Variants in MAST4 observed in about 807,000 individuals in gnomAD.
The protein encoded by MAST4 is microtubule-associated serine/threonine-protein kinase 4.
Under a neutral mutation model 162.7 loss-of-function variants are expected in MAST4, and 89 were observed. The ratio of observed to expected loss-of-function variants is 0.55; its 90% confidence interval spans 0.46 to 0.65. MAST4 has a LOEUF of 0.65. Ranked by LOEUF, MAST4 falls within the 30% of genes least tolerant of loss-of-function variation. MAST4 has a pLI of 0.00. For synonymous variants in MAST4, 1,479 were observed against 1,361.1 expected (o/e 1.09, Z -1.91); for missense variants, 3,153 against 3,374.0 (o/e 0.93, Z 1.62).
At chr5:67,142,770 T>A in intron 21 of MAST4, 1 of 405,842 alleles carries the variant, frequency 2.5e-6, no homozygotes, top group Non-Finnish European at 4.4e-6. Context: ...GAGATTCAGA[T>A]AGCTGAGACC....
Position 66,773,426 on chromosome 5 carries a change from G to A in MAST4, c.517+13564G>A, listed in dbSNP as rs138533741. 2.6e-5 allele frequency among the ~76,000 whole-genome samples: 4 copies of A among 152,318 alleles called. No homozygotes were observed. In the East Asian group the frequency reaches 7.7e-4, roughly 29 times the overall value. On this transcript the variant is annotated intron_variant, in intron 2 of 28. Coordinates refer to ENST00000403625, the MANE Select transcript of MAST4 (RefSeq NM_001164664.2). ...CAGACCTAAGCCTGAAGGGAGAGCA[G>A]AGGGTAAGTCCCCTCCTTGCATTTA...
At chr5:67,114,702 T>A (rs191836608) in intron 12 of MAST4, 283 of 154,630 alleles carry the variant, frequency 1.8e-3, no homozygotes, top group Non-Finnish European at 3.4e-3. Flanking sequence ...ACTTAAAATA[T>A]AAAACATAGT....
At chr5:66,822,422 T>G (rs769021841) in intron 3 of MAST4, among the ~76,000 whole-genome samples, 1 of 152,198 alleles carries the variant, frequency 6.6e-6, no homozygotes, top group African/African-American at 2.4e-5. Context: ...ATGCCTGGCA[T>G]GGCAATGGAA....
Position 67,145,324 on chromosome 5 carries a change from G to A in MAST4, c.3039G>A (p.Gln1013=). ...CCCTTCCTCCTGAAGAGTGTGCCCA[G>A]GAGGAGCCTGAGGTCACCACCCCAG... ...KPALPPEECA[Q]EEPEVTTPAS... Residue 1013 remains glutamine (Q), a synonymous_variant, in exon 23 of 29, where the codon CAG becomes CAA. Coordinates refer to ENST00000403625, the MANE Select transcript of MAST4 (RefSeq NM_001164664.2). 1 of 1,613,592 alleles carries A rather than the reference G, an allele frequency of 6.2e-7. No individual in the cohort carries two copies. The highest frequency in any genetic ancestry group is 8.5e-7 in the Non-Finnish European group (1 of 1,179,876).
intron 4 of MAST4, among the ~76,000 whole-genome samples, chr5:66,969,741 C>T (rs993442972): frequency 6.6e-6 from 1 of 152,328 alleles, no homozygotes; most frequent in Admixed American, 6.5e-5. Context: ...TTTGTGTCTC[C>T]TTTTCACAGG....
At chr5:66,647,075 T>C (rs748495619) in intron 1 of MAST4, among the ~76,000 whole-genome samples, 1 of 152,136 alleles carries the variant, frequency 6.6e-6, no homozygotes, top group Non-Finnish European at 1.5e-5. Flanking sequence ...CATAATATTA[T>C]AGGATTAAGA....
intron 1 of MAST4, among the ~76,000 whole-genome samples, chr5:66,741,402 C>T (rs1208954135): frequency 6.6e-6 from 1 of 152,092 alleles, no homozygotes; most frequent in African/African-American, 2.4e-5. Flanking sequence ...ATCAGGCACC[C>T]ACAAACCTGT....
intron 4 of MAST4, among the ~76,000 whole-genome samples, chr5:66,976,901 C>A (rs778169403): frequency 6.6e-6 from 1 of 152,148 alleles, no homozygotes; most frequent in Admixed American, 6.5e-5. Flanking sequence ...GACCCCTATT[C>A]TCAACTTCTT....
chr5:66,664,148 G>A lies in MAST4; in HGVS notation c.363+67130G>A, dbSNP rs370350546. Among the ~76,000 whole-genome samples, 14 of 152,138 alleles carry A rather than the reference G, an allele frequency of 9.2e-5. 1 individual carries two copies. Among genetic ancestry groups the A allele is most frequent in the African/African-American group, 3.4e-4 (14 of 41,536 alleles). Reference sequence around the variant, plus strand: ...GAAGAGAAGGTGCTGAAAATCAGGAGTTTGAGGCTGGGTGTGGTGGCTCAC... The same window carrying A: ...GAAGAGAAGGTGCTGAAAATCAGGAATTTGAGGCTGGGTGTGGTGGCTCAC... On this transcript the variant is annotated intron_variant, in intron 1 of 28. Coordinates refer to ENST00000403625, the MANE Select transcript of MAST4 (RefSeq NM_001164664.2).
chr5:66,778,436 G>A (rs371080470), intron 2 of MAST4, among the ~76,000 whole-genome samples: 242 of 152,260 alleles, frequency 1.6e-3, no homozygotes, highest in African/African-American at 5.7e-3. Context: ...TGTAATAATA[G>A]AAACATTACA....
chr5:66,922,426 T>C (rs1183345368), intron 4 of MAST4, among the ~76,000 whole-genome samples: 1 of 152,178 alleles, frequency 6.6e-6, no homozygotes, highest in Admixed American at 6.5e-5. Flanking sequence ...ACTTCCAGGT[T>C]AACTCATGTC....
In MAST4 at chr5:66,596,939, T is replaced by C. The variant is rs200017963; in HGVS notation, c.284T>C (p.Leu95Pro). Residue 95 changes from leucine (L) to proline (P), a missense_variant, in exon 1 of 29, where the codon CTG becomes CCG. Coordinates refer to ENST00000403625, the MANE Select transcript of MAST4 (RefSeq NM_001164664.2). ...SVLLERGVLA[L>P]PPPLPGGAVP... ...CTGCTGGAGCGCGGAGTCCTTGCGC[T>C]GCCGCCGCCGCTTCCCGGAGGAGCT... The C allele has an allele frequency of 2.1e-4, 296 of 1,380,620 alleles. No individual in the cohort carries two copies. Among genetic ancestry groups the C allele is most frequent in the Non-Finnish European group, 2.6e-4 (281 of 1,071,516 alleles). The allele number at this position is 1,380,620 out of a possible 1,614,324, so 85.5% of individuals were successfully genotyped here.
chr5:66,694,029 T>C (rs184048362), intron 1 of MAST4, among the ~76,000 whole-genome samples: 12 of 152,306 alleles, frequency 7.9e-5, no homozygotes, highest in Admixed American at 5.2e-4. Flanking sequence ...TAGATTTAAG[T>C]TGGCTAGACT....
At chr5:66,671,481 T>G (rs1448782531) in intron 1 of MAST4, among the ~76,000 whole-genome samples, 1 of 152,186 alleles carries the variant, frequency 6.6e-6, no homozygotes, top group African/African-American at 2.4e-5. Flanking sequence ...CGGAACTGAC[T>G]CCCATGTTTA....
intron 4 of MAST4, among the ~76,000 whole-genome samples, chr5:67,000,319 C>T (rs1466188147): frequency 1.3e-5 from 2 of 152,232 alleles, no homozygotes; most frequent in East Asian, 3.8e-4. Flanking sequence ...GTGTCCTGCA[C>T]AGGGAGCTGA....
At chr5:66,776,071 T>C (rs752598853) in intron 2 of MAST4, among the ~76,000 whole-genome samples, 9 of 152,260 alleles carry the variant, frequency 5.9e-5, no homozygotes, top group Non-Finnish European at 1.3e-4. Context: ...TGAATTAGAC[T>C]GTATGTAAGA....
At chr5:66,968,136 C>T (rs777413142) in intron 4 of MAST4, among the ~76,000 whole-genome samples, 4 of 152,186 alleles carry the variant, frequency 2.6e-5, no homozygotes, top group Admixed American at 6.5e-5. Context: ...TAGGCTGGAA[C>T]ACCATTACTC....
At chr5:66,860,839 G>C (rs1191195593) in intron 3 of MAST4, among the ~76,000 whole-genome samples, 1 of 151,134 alleles carries the variant, frequency 6.6e-6, no homozygotes, top group East Asian at 1.9e-4. Flanking sequence ...TTCCTACTTT[G>C]CATGCCACTA....
chr5:67,049,164 G>A lies in MAST4; in HGVS notation c.675-5240G>A, dbSNP rs1156302169. ...TTTTGGGGACTGGAATATGTTATTG[G>A]CTTGGACTTCAGAGAGTACATTTTG... On this transcript the variant is annotated intron_variant, in intron 4 of 28. Coordinates refer to ENST00000403625, the MANE Select transcript of MAST4 (RefSeq NM_001164664.2). Among the ~76,000 whole-genome samples the A allele has an allele frequency of 3.3e-5, 5 of 149,914 alleles. No individual in the cohort carries two copies. In the East Asian group the frequency reaches 9.8e-4, roughly 29 times the overall value.
Sources: allele counts gnomAD v4.1 joint callset (sites outside exome capture counted in the v4.1 genomes callset), GRCh38; gene constraint gnomAD v4.1.1; transcripts MANE v1.5; gene names NCBI Gene and HGNC (gene_info 2026-07-23, HGNC 2026-07-21).